The following CNTNAP5 variants were observed in gnomAD, a reference collection of about 807,000 sequenced individuals.
CNTNAP5 encodes contactin associated protein family member 5.
In CNTNAP5, 72 loss-of-function variants were observed where a neutral mutation model predicts 150.2. That is an observed-to-expected ratio of 0.48 (90% confidence interval 0.40 to 0.58). The LOEUF is 0.58. Among genes scored for constraint, CNTNAP5 ranks in the 20% least tolerant of loss-of-function variants. The probability of loss-of-function intolerance (pLI) is 0.00; values close to 1 mark genes in which losing one functional copy is unlikely to be tolerated. For synonymous variants in CNTNAP5, 672 were observed against 619.8 expected, an observed-to-expected ratio of 1.08 and a Z score of -1.25; for missense variants, 1,636 against 1,626.2, an observed-to-expected ratio of 1.01 and a Z score of -0.10.
At chr2:124,757,913 A>G (rs1680875338) in intron 14 of CNTNAP5, among the ~76,000 whole-genome samples, 1 of 152,206 alleles carries the variant, frequency 6.6e-6, no homozygotes, top group Admixed American at 6.5e-5. Context: ...CACTTTATAA[A>G]TATTTTGGTA....
chr2:124,752,325 G>A (rs1250283238), intron 14 of CNTNAP5, among the ~76,000 whole-genome samples: 1 of 152,028 alleles, frequency 6.6e-6, no homozygotes. Flanking sequence ...AAAGCATTGG[G>A]ACTATAGGTG....
At chr2:124,310,716 T>C (rs1037896168) in intron 3 of CNTNAP5, among the ~76,000 whole-genome samples, 4 of 151,712 alleles carry the variant, frequency 2.6e-5, no homozygotes, top group Non-Finnish European at 4.4e-5. Context: ...TTAAGAAAAA[T>C]AGGGAATAAT....
intron 18 of CNTNAP5, among the ~76,000 whole-genome samples, chr2:124,792,759 A>C (rs1681761090): frequency 1.3e-5 from 2 of 152,188 alleles, no homozygotes; most frequent in Non-Finnish European, 2.9e-5. Flanking sequence ...TGAGCCTTTC[A>C]TATAAATAGA....
intron 8 of CNTNAP5, among the ~76,000 whole-genome samples, chr2:124,512,119 C>T (rs1451054370): frequency 6.6e-6 from 1 of 151,800 alleles, no homozygotes; most frequent in Non-Finnish European, 1.5e-5. Context: ...GGGTCTTTGG[C>T]TGTGGGACCG....
At chr2:124,432,440 A>G (rs2104792726) in intron 4 of CNTNAP5, among the ~76,000 whole-genome samples, 2 of 151,896 alleles carry the variant, frequency 1.3e-5, no homozygotes, top group East Asian at 1.9e-4. Context: ...CCAATATACC[A>G]CTCACTTTCT....
At chr2:124,231,343 A>C (rs1267178424) in intron 2 of CNTNAP5, among the ~76,000 whole-genome samples, 2 of 152,114 alleles carry the variant, frequency 1.3e-5, no homozygotes, top group Non-Finnish European at 2.9e-5. Flanking sequence ...TCTGGTACTC[A>C]TTTTTCTCAT....
intron 10 of CNTNAP5, among the ~76,000 whole-genome samples, chr2:124,544,533 G>A (rs1336583832): frequency 6.6e-6 from 1 of 152,136 alleles, no homozygotes; most frequent in African/African-American, 2.4e-5. Flanking sequence ...TTGCTTCAGT[G>A]AATCAAATAT....
intron 10 of CNTNAP5, among the ~76,000 whole-genome samples, chr2:124,547,557 T>C (rs1695541414): frequency 6.6e-6 from 1 of 152,174 alleles, no homozygotes; most frequent in South Asian, 2.1e-4. Flanking sequence ...ATCAAGGGGC[T>C]CCTGTTGTGT....
At chr2:124,079,635 A>G (rs1682515042) in intron 1 of CNTNAP5, among the ~76,000 whole-genome samples, 1 of 152,206 alleles carries the variant, frequency 6.6e-6, no homozygotes, top group African/African-American at 2.4e-5. Flanking sequence ...AATAGATGAA[A>G]ATATCAGAAG....
chr2:124,872,365 T>C (rs1677766458), intron 21 of CNTNAP5, among the ~76,000 whole-genome samples: 1 of 146,668 alleles, frequency 6.8e-6, no homozygotes, highest in African/African-American at 2.6e-5. Context: ...GGTAACTTGT[T>C]TCCTTATGCT....
At chr2:124,530,258 C>A (rs1424952182) in intron 10 of CNTNAP5, among the ~76,000 whole-genome samples, 1 of 152,090 alleles carries the variant, frequency 6.6e-6, no homozygotes, top group Non-Finnish European at 1.5e-5. Context: ...TGCAATGAGC[C>A]GAGATGGCAC....
intron 19 of CNTNAP5, among the ~76,000 whole-genome samples, chr2:124,823,049 A>G (rs1682524195): frequency 6.6e-6 from 1 of 152,194 alleles, no homozygotes; most frequent in Non-Finnish European, 1.5e-5. Flanking sequence ...CACAGAGAAA[A>G]AATGAAATGT....
chr2:124,134,176 C>T (rs902276674), intron 1 of CNTNAP5, among the ~76,000 whole-genome samples: 3 of 152,104 alleles, frequency 2.0e-5, no homozygotes, highest in Non-Finnish European at 2.9e-5. Context: ...GTCTAAACTC[C>T]GTTTGTCAGT....
chr2:124,295,632 A>G (rs890783478), intron 3 of CNTNAP5, among the ~76,000 whole-genome samples: 3 of 152,252 alleles, frequency 2.0e-5, no homozygotes, highest in Admixed American at 2.0e-4. Flanking sequence ...AGTGCTTACA[A>G]CAAATATTTT....
chr2:124,721,549 TTAAA>T (rs1381137801), intron 13 of CNTNAP5, among the ~76,000 whole-genome samples: 4 of 141,514 alleles, frequency 2.8e-5, no homozygotes, highest in African/African-American at 8.2e-5. Context: ...AGAAAAAAAA[TTAAA>T]TATAGGGTGT....
chr2:124,539,171 G>T (rs1481712523), intron 10 of CNTNAP5, among the ~76,000 whole-genome samples: 3 of 152,170 alleles, frequency 2.0e-5, no homozygotes, highest in Admixed American at 6.6e-5. Context: ...GCAGTAAAAG[G>T]TTCTCACCTG....
chr2:124,339,118 A>G (rs1285044348), intron 3 of CNTNAP5, among the ~76,000 whole-genome samples: 1 of 152,166 alleles, frequency 6.6e-6, no homozygotes, highest in Non-Finnish European at 1.5e-5. Context: ...TAACTTTGAG[A>G]GGTAAATTTT....
At chr2:124,502,572 G>A (rs1054008604) in intron 7 of CNTNAP5, among the ~76,000 whole-genome samples, 1 of 152,166 alleles carries the variant, frequency 6.6e-6, no homozygotes, top group Admixed American at 6.5e-5. Flanking sequence ...AAATGATACT[G>A]ACCTCAGGAA....
At position 124,609,857 on chromosome 2, in the gene CNTNAP5, T is replaced by G. The variant is rs764720073; in HGVS notation, c.1813T>G (p.Phe605Val). Residue 605 changes from phenylalanine to valine, a missense_variant, in exon 12 of 24, where the codon TTC (phenylalanine) becomes GTC (valine). Coordinates refer to ENST00000682447, the MANE Select transcript of CNTNAP5 (RefSeq NM_001367498.1). Reference protein sequence around the residue: ...YRHQGNTAGFFYIDSDGSGPL... With the variant: ...YRHQGNTAGFVYIDSDGSGPL... ...GCACCAGGGGAATACAGCCGGCTTC[T>G]TCTACATCGACTCAGATGGCAGCGG... 1.9e-6 allele frequency: 3 copies of G among 1,614,010 alleles called. No individual in the cohort carries two copies. The South Asian group carries it at 3.3e-5, about 18-fold the overall frequency.
Sources: gnomAD v4.1 joint callset for allele counts (sites outside exome capture counted in the v4.1 genomes callset) on GRCh38, gnomAD v4.1.1 for gene constraint, MANE v1.5 for transcripts, NCBI Gene and HGNC (gene_info 2026-07-23, HGNC 2026-07-21) for gene names.